ADTRP: variants seen among roughly 807,000 people sequenced by gnomAD.
ADTRP encodes the protein androgen dependent TFPI regulating protein.
ADTRP carries 20 observed loss-of-function variants against 27.0 expected under a neutral mutation model. The observed-to-expected ratio is 0.74, with a 90% confidence interval of 0.52 to 1.08. The LOEUF (loss-of-function observed/expected upper bound fraction) is 1.08. Among genes scored for constraint, ADTRP ranks in the 50% least tolerant of loss-of-function variants. The pLI is 0.00. For synonymous variants in ADTRP, 101 were observed against 105.2 expected (o/e 0.96, Z 0.25); for missense variants, 251 against 275.0 (o/e 0.91, Z 0.62).
intron 3 of ADTRP, among the ~76,000 whole-genome samples, chr6:11,761,494 A>G (rs1763388677): frequency 6.6e-6 from 1 of 152,188 alleles, no homozygotes; most frequent in Non-Finnish European, 1.5e-5. Flanking sequence ...CATCTTAGCT[A>G]TATTGCATAT....
chr6:11,722,553 C>T (rs141165730), intron 5 of ADTRP, among the ~76,000 whole-genome samples: 1 of 152,162 alleles, frequency 6.6e-6, no homozygotes, highest in East Asian at 1.9e-4. Flanking sequence ...TCCTGCGCTT[C>T]TCCTGGGGTA....
intron 3 of ADTRP, among the ~76,000 whole-genome samples, chr6:11,753,179 A>G (rs990825464): frequency 6.6e-6 from 1 of 152,240 alleles, no homozygotes; most frequent in African/African-American, 2.4e-5. Context: ...ACATAGAGCT[A>G]AGAAATTTTG....
At chr6:11,737,199 C>T (rs1384629677) in intron 3 of ADTRP, among the ~76,000 whole-genome samples, 1 of 152,086 alleles carries the variant, frequency 6.6e-6, no homozygotes, top group Non-Finnish European at 1.5e-5. Flanking sequence ...TTACTGGAAA[C>T]ATCTAGTAGT....
At chr6:11,759,501 T>C (rs1407063331) in intron 3 of ADTRP, among the ~76,000 whole-genome samples, 1 of 152,186 alleles carries the variant, frequency 6.6e-6, no homozygotes, top group African/African-American at 2.4e-5. Flanking sequence ...CAAAACTTTT[T>C]TTTTTAAAAA....
chr6:11,756,221 C>T lies in ADTRP; in HGVS notation c.390+10053G>A, dbSNP rs142391696. ...TAGCAAACACAAAAAATTAGCCAGG[C>T]GTTGCATGTGCCCATGTGCCTGTAA... On this transcript the variant is annotated intron_variant, in intron 3 of 5. Coordinates refer to ENST00000414691, the MANE Select transcript of ADTRP (RefSeq NM_032744.4). Among the ~76,000 whole-genome samples the T allele has an allele frequency of 2.0e-3, 301 of 152,190 alleles. 1 individual carries two copies. The highest frequency in any genetic ancestry group is 0.01 in the Middle Eastern group (3 of 294).
chr6:11,771,339 T>G (rs997781591), intron 1 of ADTRP, among the ~76,000 whole-genome samples: 2 of 152,148 alleles, frequency 1.3e-5, no homozygotes, highest in Non-Finnish European at 2.9e-5. Flanking sequence ...CACAAGCAGG[T>G]GGAACCCCCG....
chr6:11,722,944 C>T (rs1762064902), intron 5 of ADTRP, among the ~76,000 whole-genome samples: 1 of 152,250 alleles, frequency 6.6e-6, no homozygotes, highest in Middle Eastern at 3.4e-3. Context: ...ACTCACTTCC[C>T]TCAAAATGAA....
intron 3 of ADTRP, among the ~76,000 whole-genome samples, chr6:11,760,181 A>G (rs1196039629): frequency 2.6e-5 from 4 of 152,184 alleles, no homozygotes; most frequent in Non-Finnish European, 5.9e-5. Context: ...TTGTGTGTTT[A>G]CTGCTTATCT....
intron 5 of ADTRP, chr6:11,717,286 T>C: frequency 7.7e-7 from 1 of 1,303,242 alleles, no homozygotes; most frequent in Non-Finnish European, 1.0e-6. Flanking sequence ...GCTAGAAATA[T>C]TTTTATAGCC....
intron 5 of ADTRP, among the ~76,000 whole-genome samples, chr6:11,719,751 A>G (rs995625542): frequency 4.6e-5 from 7 of 152,332 alleles, no homozygotes; most frequent in Admixed American, 1.3e-4. Flanking sequence ...ATTTGCTGTA[A>G]GTACCTGAGG....
intron 3 of ADTRP, among the ~76,000 whole-genome samples, chr6:11,747,721 A>G (rs957299645): frequency 2.6e-5 from 4 of 152,176 alleles, no homozygotes; most frequent in Admixed American, 1.3e-4. Flanking sequence ...AGCATCAGGT[A>G]TGTCTCCCAG....
At chr6:11,776,037 C>A (rs1171409682) in intron 1 of ADTRP, among the ~76,000 whole-genome samples, 2 of 27,898 alleles carry the variant, frequency 7.2e-5, no homozygotes, top group Non-Finnish European at 1.3e-4. Context: ...GGAGACACAA[C>A]CATTAATCAG....
In ADTRP at chr6:11,713,621, A is replaced by C. The variant is rs1329080865; in HGVS notation, c.*857T>G. ...AGTGCTTTGTAGCAAAGCAATCTCA[A>C]CAGCCCTTATAATTCTATCACTTCC... On this transcript the variant is annotated 3_prime_UTR_variant, in exon 6 of 6. Transcript: ENST00000414691. 2 of 152,242 alleles carry C rather than the reference A, an allele frequency of 1.3e-5. No homozygotes were observed. Among genetic ancestry groups the C allele is most frequent in the Non-Finnish European group, 2.9e-5 (2 of 68,042 alleles). 9.4% of individuals were successfully genotyped at this position (152,242 alleles called of 1,614,324 possible). A position where few individuals can be genotyped will look rare whatever the true frequency, so the allele number is the denominator to read the frequency against.
At chr6:11,768,123 G>T in intron 2 of ADTRP, 126 bp downstream of exon 2, 2 of 1,183,474 alleles carry the variant, frequency 1.7e-6, no homozygotes, top group Non-Finnish European at 2.4e-6. Flanking sequence ...CCTCAGACAG[G>T]ACATTGTTGT....
chr6:11,754,961 C>G lies in ADTRP; in HGVS notation c.390+11313G>C, dbSNP rs959904289. On this transcript the variant is annotated intron_variant, in intron 3 of 5. Transcript: ENST00000414691. Reference sequence around the variant, plus strand: ...TGAGATCATGGGAGTTTGGCTCTTTCCTTCCACTTAGATTTTTAGTTTTTG... The same window carrying G: ...TGAGATCATGGGAGTTTGGCTCTTTGCTTCCACTTAGATTTTTAGTTTTTG... The G allele has an allele frequency of 1.6e-5, 15 of 912,780 alleles. No homozygotes were observed. The African/African-American group carries it at 2.5e-4, about 15-fold the overall frequency. 56.5% of individuals were successfully genotyped at this position (912,780 alleles called of 1,614,324 possible). A position where few individuals can be genotyped will look rare whatever the true frequency, so the allele number is the denominator to read the frequency against.
Position 11,740,043 on chromosome 6 carries a change from T to C in ADTRP, c.391-4360A>G, listed in dbSNP as rs146693618. ...TTCCCTTCTGGACTATCTCTTGTGT[T>C]GAGTTTGAGTTGACCAAGATAAATA... is the stretch of plus-strand genomic sequence containing the variant. On this transcript the variant is annotated intron_variant, in intron 3 of 5. Transcript: ENST00000414691. Among the ~76,000 whole-genome samples the C allele has an allele frequency of 3.0e-3, 450 of 152,332 alleles. 8 individuals carry two copies. Among genetic ancestry groups the C allele is most frequent in the Admixed American group, 0.026 (404 of 15,298 alleles).
intron 3 of ADTRP, among the ~76,000 whole-genome samples, chr6:11,752,436 G>A (rs1208672860): frequency 6.6e-6 from 1 of 152,070 alleles, no homozygotes; most frequent in Non-Finnish European, 1.5e-5. Flanking sequence ...GGATCAACAG[G>A]GTTCACTTGG....
chr6:11,734,611 A>C (rs1396085273), intron 4 of ADTRP, among the ~76,000 whole-genome samples: 1 of 152,222 alleles, frequency 6.6e-6, no homozygotes, highest in Non-Finnish European at 1.5e-5. Context: ...AGAAAACAGC[A>C]GATGAGGTCT....
chr6:11,715,588 G>A (rs937846721), intron 5 of ADTRP, among the ~76,000 whole-genome samples: 2 of 151,298 alleles, frequency 1.3e-5, no homozygotes, highest in Admixed American at 6.6e-5. Context: ...TGTTTATCAA[G>A]CTTTATGGAT....
Sources: gnomAD v4.1 joint callset for allele counts (sites outside exome capture counted in the v4.1 genomes callset) on GRCh38, gnomAD v4.1.1 for gene constraint, MANE v1.5 for transcripts, NCBI Gene and HGNC (gene_info 2026-07-23, HGNC 2026-07-21) for gene names.